Variants in AWAT1 observed in about 807,000 individuals in gnomAD.
The protein encoded by AWAT1 is diacyl-glycerol acyltransferase 2.
AWAT1 carries 26 observed loss-of-function variants against 21.6 expected under a neutral mutation model. The ratio of observed to expected loss-of-function variants is 1.20; its 90% CI spans 0.88 to 1.67. The LOEUF (loss-of-function observed/expected upper bound fraction) is 1.67, where lower values mean the gene tolerates loss of function less well. AWAT1 is among the 40% of genes most tolerant of loss of function. The pLI is 0.00. For missense variants in AWAT1, 264 were observed against 249.4 expected (o/e 1.06, Z -0.39); for synonymous variants, 102 against 99.3 (o/e 1.03, Z -0.16).
chrX:70,238,404 G>A lies in AWAT1; in HGVS notation c.632+21G>A, dbSNP rs759754391. On this transcript the variant is annotated intron_variant, in intron 5 of 6. Coordinates refer to ENST00000374521, the MANE Select transcript of AWAT1 (RefSeq NM_001013579.3). ...CATGGGTAGGTGTTCCCCACAGAGG[G>A]GCAGTGCATGGTGTTCTCTGAGCAG... is the stretch of plus-strand genomic sequence containing the variant. 10 of 1,157,343 alleles carry A rather than the reference G, an allele frequency of 8.6e-6. No homozygotes were observed. The African/African-American group carries it at 1.8e-4, about 21-fold the overall frequency.
chrX:70,240,652 T>A lies in AWAT1; in HGVS notation c.*362T>A, dbSNP rs1461843260. 2.2e-5 allele frequency: 4 copies of A among 182,604 alleles called. No individual in the cohort carries two copies. 15.0% of individuals were successfully genotyped at this position (182,604 alleles called of 1,213,427 possible). ...TTCTGAACATTTTATATAAATGGAA[T>A]AATACAATATGTGGTCTTTTGTGGC... On this transcript the variant is annotated 3_prime_UTR_variant, in exon 7 of 7. Transcript: ENST00000374521.
intron 4 of AWAT1, among the ~76,000 whole-genome samples, 177 bp from the exon 5 acceptor site, chrX:70,238,035 C>G (rs1211811937): frequency 9.1e-6 from 1 of 110,345 alleles, no homozygotes; most frequent in Non-Finnish European, 1.9e-5. Context: ...AAGATATTGC[C>G]TCATTGTGAG....
intron 1 of AWAT1, among the ~76,000 whole-genome samples, chrX:70,235,192 G>C (rs1207234774): frequency 2.7e-5 from 3 of 111,110 alleles, no homozygotes; most frequent in Non-Finnish European, 5.7e-5. Context: ...TCTATTCTGG[G>C]AGTGGGGTGG....
Position 70,234,790 on chromosome X carries a change from G to C in AWAT1, c.76+19G>C. The C allele has an allele frequency of 1.7e-6, 2 of 1,188,640 alleles. No individual in the cohort carries two copies. The highest frequency in any genetic ancestry group is 2.3e-4 in the Middle Eastern group (1 of 4,303). On this transcript the variant is annotated intron_variant, in intron 1 of 6. Coordinates refer to ENST00000374521, the MANE Select transcript of AWAT1 (RefSeq NM_001013579.3). The stretch of plus-strand genomic sequence containing the variant: ...GCCATCTGTGAGTATTGACCCAAGA[G>C]TGCATAGCAAGAAGCCAGAGTCAGA...
Position 70,238,202 on chromosome X carries a change from T to C in AWAT1, c.461-10T>C. The stretch of plus-strand genomic sequence containing the variant: ...CTCTCCTGATCATTTTGCTCCTTGA[T>C]TCTCTTTAGGTGTGTGCTCTGTGAG... On this transcript the variant is annotated splice_polypyrimidine_tract_variant and intron_variant, in intron 4 of 6. Coordinates refer to ENST00000374521, the MANE Select transcript of AWAT1 (RefSeq NM_001013579.3). 1 of 1,191,079 alleles carries C rather than the reference T, an allele frequency of 8.4e-7. No homozygotes were observed. The highest frequency in any genetic ancestry group is 1.1e-6 in the Non-Finnish European group (1 of 880,679).
chrX:70,239,647 A>G, intron 5 of AWAT1, 88 bp from the exon 6 acceptor site: 1 of 837,585 alleles, frequency 1.2e-6, no homozygotes, highest in Non-Finnish European at 1.8e-6. Flanking sequence ...ATCAAAATAG[A>G]TGAGGGCCTG....
intron 5 of AWAT1, 62 bp downstream of exon 5, chrX:70,238,445 G>A: frequency 9.4e-7 from 1 of 1,068,640 alleles, no homozygotes; most frequent in South Asian, 2.5e-5. Flanking sequence ...CCCTGTCGGT[G>A]AGGCCAGGAT....
At chrX:70,239,165 G>A (rs1050146823) in intron 5 of AWAT1, among the ~76,000 whole-genome samples, 3 of 97,636 alleles carry the variant, frequency 3.1e-5, no homozygotes, top group African/African-American at 1.1e-4. Context: ...CTGCCTGAGT[G>A]GCCATCCCTT....
intron 4 of AWAT1, 57 bp downstream of exon 4, chrX:70,237,305 C>A: frequency 9.4e-7 from 1 of 1,062,407 alleles, no homozygotes; most frequent in Non-Finnish European, 1.3e-6. Flanking sequence ...TGGAAATGCA[C>A]CCTTTTAAAT....
intron 5 of AWAT1, 22 bp downstream of exon 5, chrX:70,238,405 G>T: frequency 8.6e-7 from 1 of 1,159,289 alleles, no homozygotes; most frequent in Non-Finnish European, 1.2e-6. Flanking sequence ...CCACAGAGGG[G>T]CAGTGCATGG....
In AWAT1 at chrX:70,237,113, A is replaced by T. The variant is rs766391608; in HGVS notation, c.325A>T (p.Thr109Ser). 8.3e-7 allele frequency: 1 copy of T among 1,206,617 alleles called. No individual in the cohort carries two copies. Residue 109 changes from threonine (T) to serine (S), a missense_variant, in exon 4 of 7, where the codon ACC becomes TCC. Coordinates refer to ENST00000374521, the MANE Select transcript of AWAT1 (RefSeq NM_001013579.3). ...GGGGGTTCACCCCCATGGCCTCCTG[A>T]CCTTTGGCGCCTTCTGCAACTTCTG... The part of the protein sequence containing the change: ...LMGVHPHGLL[T>S]FGAFCNFCTE...
intron 4 of AWAT1, among the ~76,000 whole-genome samples, chrX:70,237,600 G>A (rs751928228): frequency 2.1e-4 from 23 of 109,713 alleles, no homozygotes; most frequent in Non-Finnish European, 4.0e-4. Context: ...GGGAGGCTGA[G>A]GTGGGTGGAT....
chrX:70,237,693 A>G (rs1267217364), intron 4 of AWAT1, among the ~76,000 whole-genome samples: 1 of 107,724 alleles, frequency 9.3e-6, no homozygotes, highest in Non-Finnish European at 1.9e-5. Context: ...TTAGCTGGGC[A>G]TGGTGGTGGG....
intron 3 of AWAT1, among the ~76,000 whole-genome samples, chrX:70,236,602 C>T (rs956448436): frequency 3.4e-4 from 38 of 111,404 alleles, no homozygotes; most frequent in African/African-American, 1.1e-3. Flanking sequence ...AAGTTCCATA[C>T]AAGTTATTTA....
intron 2 of AWAT1, 34 bp downstream of exon 2, chrX:70,235,857 C>T: frequency 8.9e-7 from 1 of 1,119,310 alleles, no homozygotes; most frequent in Non-Finnish European, 1.2e-6. Context: ...AAGAATGTTC[C>T]ATCATAACCT....
intron 4 of AWAT1, 24 bp from the exon 5 acceptor site, chrX:70,238,188 A>G (rs1279809277): frequency 3.4e-6 from 4 of 1,186,133 alleles, no homozygotes; most frequent in South Asian, 1.8e-5. Context: ...TCTCCTGATC[A>G]TTTTGCTCCT....
intron 5 of AWAT1, 139 bp from the exon 6 acceptor site, chrX:70,239,596 T>C: frequency 1.9e-6 from 1 of 530,815 alleles, no homozygotes; most frequent in East Asian, 3.5e-5. Context: ...AGGGAAACCC[T>C]GTTTAGTGCA....
Position 70,239,872 on chromosome X carries a change from G to C in AWAT1, c.770G>C (p.Gly257Ala). ...IFGFYCCVFY[G>A]QSFCQGSTGL... The stretch of plus-strand genomic sequence containing the variant: ...GGTTTCTACTGTTGTGTCTTCTATG[G>C]ACAAAGCTTCTGTCAAGGCTCCACT... Residue 257 changes from glycine to alanine, a missense_variant, in exon 6 of 7, where the codon GGA becomes GCA. Gly to Ala is a moderately conservative substitution (Grantham distance 60). Transcript: ENST00000374521. 3 of 1,210,840 alleles carry C rather than the reference G, an allele frequency of 2.5e-6. No individual in the cohort carries two copies. Among genetic ancestry groups the C allele is most frequent in the Non-Finnish European group, 3.4e-6 (3 of 895,095 alleles).
chrX:70,234,822 G>T, intron 1 of AWAT1, 51 bp downstream of exon 1: 1 of 1,084,680 alleles, frequency 9.2e-7, no homozygotes. Flanking sequence ...CAGAAGCCAG[G>T]GCCAGATCTA....
Sources: gnomAD v4.1 joint callset for allele counts (sites outside exome capture counted in the v4.1 genomes callset) on GRCh38, gnomAD v4.1.1 for gene constraint, MANE v1.5 for transcripts, NCBI Gene and HGNC (gene_info 2026-07-23, HGNC 2026-07-21) for gene names.